NEBL: variants seen among roughly 807,000 people sequenced by gnomAD.
NEBL encodes LIM and SH3 protein 2.
In NEBL, 122 loss-of-function variants were observed where a neutral mutation model predicts 140.2. The ratio of observed to expected loss-of-function variants is 0.87; its 90% CI spans 0.75 to 1.01. The LOEUF (loss-of-function observed/expected upper bound fraction) is 1.01, where lower values mean the gene tolerates loss of function less well. Ranked by LOEUF, NEBL falls within the 50% of genes least tolerant of loss-of-function variation. The probability of loss-of-function intolerance (pLI) is 0.00; values close to 1 mark genes in which losing one functional copy is unlikely to be tolerated. For missense variants in NEBL, 1,365 were observed against 1,231.3 expected, an observed-to-expected ratio of 1.11 and a Z score of -1.62; for synonymous variants, 436 against 398.9, an observed-to-expected ratio of 1.09 and a Z score of -1.11.
chr10:21,277,840 G>A (rs1842943655), intron 1 of NEBL, among the ~76,000 whole-genome samples: 1 of 151,938 alleles, frequency 6.6e-6, no homozygotes, highest in Non-Finnish European at 1.5e-5. Flanking sequence ...TTTTTTAAGA[G>A]ACAAGGTGTC....
intron 2 of NEBL, among the ~76,000 whole-genome samples, chr10:21,149,535 C>A (rs8181457): frequency 0.041 from 6,269 of 152,266 alleles, 245 homozygotes; most frequent in East Asian, 0.2. Context: ...AAGTGATCCG[C>A]CTCTCTTGGC....
chr10:21,047,506 T>C (rs1834574216), intron 2 of NEBL, among the ~76,000 whole-genome samples: 1 of 151,982 alleles, frequency 6.6e-6, no homozygotes, highest in South Asian at 2.1e-4. Context: ...GATCACCTCA[T>C]ATTTAAAACT....
upstream of NEBL, among the ~76,000 whole-genome samples, chr10:20,900,498 T>G (rs976803725): frequency 1.3e-5 from 2 of 151,658 alleles, no homozygotes; most frequent in Non-Finnish European, 2.9e-5. Context: ...ACCAACATGG[T>G]CAAACCCCGT....
intron 3 of NEBL, among the ~76,000 whole-genome samples, chr10:21,230,708 G>A (rs984973940): frequency 1.3e-5 from 2 of 151,426 alleles, no homozygotes; most frequent in African/African-American, 4.9e-5. Context: ...GGGTTCAAGC[G>A]TTTCTCCTGC....
chr10:21,044,795 C>G (rs957275799), intron 2 of NEBL, among the ~76,000 whole-genome samples: 3 of 152,184 alleles, frequency 2.0e-5, no homozygotes, highest in African/African-American at 7.2e-5. Flanking sequence ...ATCAGCACTT[C>G]TGCAACTCAC....
chr10:21,234,434 T>C (rs982646166), intron 3 of NEBL, among the ~76,000 whole-genome samples: 1 of 152,116 alleles, frequency 6.6e-6, no homozygotes, highest in Non-Finnish European at 1.5e-5. Context: ...CTCTCCCACT[T>C]CACCTGCTAT....
chr10:21,250,190 T>C (rs1842569117), intron 2 of NEBL, among the ~76,000 whole-genome samples: 1 of 152,142 alleles, frequency 6.6e-6, no homozygotes, highest in Admixed American at 6.6e-5. Flanking sequence ...TCAAAGGAGA[T>C]TAATGTTTGA....
At chr10:20,789,330 T>G (rs1312020299) in intron 26 of NEBL, among the ~76,000 whole-genome samples, 1 of 152,256 alleles carries the variant, frequency 6.6e-6, no homozygotes, top group Non-Finnish European at 1.5e-5. Context: ...ACCATTTAAC[T>G]GTGAACTTTA....
At chr10:21,091,926 C>T (rs1836933717) in intron 2 of NEBL, among the ~76,000 whole-genome samples, 1 of 152,236 alleles carries the variant, frequency 6.6e-6, no homozygotes, top group Non-Finnish European at 1.5e-5. Context: ...GCCACCACGC[C>T]CACCTTGTCA....
chr10:20,911,387 G>T (rs770073809), intron 4 of NEBL, among the ~76,000 whole-genome samples: 5 of 152,034 alleles, frequency 3.3e-5, no homozygotes, highest in Non-Finnish European at 7.4e-5. Flanking sequence ...GTATATACCC[G>T]TTGTGAGCAT....
At chr10:21,091,923 C>T (rs932341886) in intron 2 of NEBL, among the ~76,000 whole-genome samples, 2 of 152,258 alleles carry the variant, frequency 1.3e-5, no homozygotes, top group Admixed American at 1.3e-4. Context: ...AGAGCCACCA[C>T]GCCCACCTTG....
rs532239599 is a variant in NEBL, at chr10:21,068,611, G to C, written c.165-48410C>G. Among the ~76,000 whole-genome samples, 3 of 152,278 alleles carry C rather than the reference G, an allele frequency of 2.0e-5. No homozygotes were observed. In the East Asian group the frequency reaches 5.8e-4, roughly 29 times the overall value. On this transcript the variant is annotated intron_variant, in intron 2 of 6. Coordinates refer to the NEBL transcript ENST00000417816. ...GGAGAGGAGGTGACACCTGACCATA[G>C]ACCCCGGACCCATGGGCTCTGGTCT...
intron 2 of NEBL, among the ~76,000 whole-genome samples, chr10:21,136,201 A>C (rs1269717494): frequency 6.6e-6 from 1 of 152,206 alleles, no homozygotes; most frequent in African/African-American, 2.4e-5. Flanking sequence ...ATACAATCCA[A>C]GTTCCTCAGT....
At position 20,880,964 on chromosome 10, in the gene NEBL, T is replaced by A; in HGVS notation, c.370-60A>T. Reference sequence around the variant, plus strand: ...AGGCATATAAATTCTTGCCTGCTAATTTCAGTGTTTTGCCAGGACTTTATA... The same window carrying A: ...AGGCATATAAATTCTTGCCTGCTAAATTCAGTGTTTTGCCAGGACTTTATA... On this transcript the variant is annotated intron_variant, in intron 4 of 27. Transcript: ENST00000377122. 3.0e-6 allele frequency: 4 copies of A among 1,347,502 alleles called. No homozygotes were observed. In the South Asian group the frequency reaches 4.7e-5, roughly 16 times the overall value. The allele number at this position is 1,347,502 out of a possible 1,614,324, so 83.5% of individuals were successfully genotyped here. A position where few individuals can be genotyped will look rare whatever the true frequency, so the allele number is the denominator to read the frequency against.
At chr10:21,262,422 G>T (rs1473727662) in intron 1 of NEBL, among the ~76,000 whole-genome samples, 20 of 152,176 alleles carry the variant, frequency 1.3e-4, no homozygotes, top group Admixed American at 1.2e-3. Flanking sequence ...CGTGAATCTG[G>T]CCCCACGCCT....
intron 2 of NEBL, among the ~76,000 whole-genome samples, chr10:21,117,825 C>A (rs1838353442): frequency 6.8e-6 from 1 of 147,844 alleles, no homozygotes; most frequent in Non-Finnish European, 1.5e-5. Flanking sequence ...GCTCTAGAGT[C>A]AGACAAACTG....
At position 21,189,663 on chromosome 10, in the gene NEBL, C is replaced by T. The variant is rs866237843; in HGVS notation, n.349-17186G>A. 9.9e-5 allele frequency among the ~76,000 whole-genome samples: 15 copies of T among 151,464 alleles called. 1 individual carries two copies. Among genetic ancestry groups the T allele is most frequent in the Admixed American group, 6.6e-4 (10 of 15,228 alleles). On this transcript the variant is annotated intron_variant and non_coding_transcript_variant, in intron 3 of 8. Transcript: ENST00000675702. Reference sequence around the variant, plus strand: ...TGTATTTTTCAGTAGAGACGGGGGTCTCACTGTGTTAGCCAGGATGGTCTT... The same window carrying T: ...TGTATTTTTCAGTAGAGACGGGGGTTTCACTGTGTTAGCCAGGATGGTCTT...
intron 2 of NEBL, among the ~76,000 whole-genome samples, chr10:21,098,245 C>T (rs180681109): frequency 1.3e-5 from 2 of 152,244 alleles, no homozygotes; most frequent in Admixed American, 1.3e-4. Flanking sequence ...TACGTACACA[C>T]ACTTGTACAC....
At chr10:20,892,868 A>C (rs573150942) in intron 2 of NEBL, among the ~76,000 whole-genome samples, 2 of 152,340 alleles carry the variant, frequency 1.3e-5, no homozygotes, top group African/African-American at 2.4e-5. Context: ...GAAATCATAC[A>C]AGTTAAATTC....
Sources: gnomAD v4.1 joint callset for allele counts (sites outside exome capture counted in the v4.1 genomes callset) on GRCh38, gnomAD v4.1.1 for gene constraint, MANE v1.5 for transcripts, NCBI Gene and HGNC (gene_info 2026-07-23, HGNC 2026-07-21) for gene names.